The following NREP variants were observed in gnomAD, a reference collection of about 807,000 sequenced individuals.
The protein encoded by NREP is neuronal regeneration related protein.
Under a neutral mutation model 8.6 loss-of-function variants are expected in NREP, and 5 were observed. The ratio of observed to expected loss-of-function variants is 0.58; its 90% CI spans 0.30 to 1.22. NREP has a LOEUF of 1.22. Among genes scored for constraint, NREP ranks in the 50% most tolerant of loss-of-function variants. NREP has a pLI of 0.07. For missense variants in NREP, 86 were observed against 82.5 expected, an observed-to-expected ratio of 1.04 and a Z score of -0.17; for synonymous variants, 27 against 28.0, an observed-to-expected ratio of 0.96 and a Z score of 0.11.
chr5:111,841,236 A>T (rs1374362973), intron 2 of NREP, among the ~76,000 whole-genome samples: 1 of 152,138 alleles, frequency 6.6e-6, no homozygotes, highest in Non-Finnish European at 1.5e-5. Flanking sequence ...GTGCCCCTGA[A>T]AGCTAGAACA....
chr5:111,879,088 T>G (rs1262759955), intron 2 of NREP, among the ~76,000 whole-genome samples: 1 of 152,182 alleles, frequency 6.6e-6, no homozygotes, highest in Admixed American at 6.5e-5. Flanking sequence ...AGTAATGAGT[T>G]CACTTGAAAG....
chr5:111,821,785 T>C (rs1199413919), intron 2 of NREP, among the ~76,000 whole-genome samples: 1 of 152,172 alleles, frequency 6.6e-6, no homozygotes, highest in Non-Finnish European at 1.5e-5. Context: ...TAGCAGCTCC[T>C]TATTTAGCTC....
chr5:111,885,599 G>C (rs1302129659), intron 2 of NREP, among the ~76,000 whole-genome samples: 1 of 151,852 alleles, frequency 6.6e-6, no homozygotes, highest in African/African-American at 2.4e-5. Context: ...AACCAAAACA[G>C]CATGGTACTG....
At chr5:111,886,245 A>G (rs1205638044) in intron 2 of NREP, among the ~76,000 whole-genome samples, 2 of 152,254 alleles carry the variant, frequency 1.3e-5, no homozygotes, top group Non-Finnish European at 2.9e-5. Context: ...TGGCCATCAA[A>G]GAAGTGCAAA....
intron 2 of NREP, among the ~76,000 whole-genome samples, chr5:111,896,186 G>A (rs1041835623): frequency 1.3e-5 from 2 of 152,140 alleles, no homozygotes; most frequent in East Asian, 3.9e-4. Context: ...AAATCTATGT[G>A]CAAAACGTTG....
intron 2 of NREP, among the ~76,000 whole-genome samples, chr5:111,869,187 G>T (rs1378244136): frequency 6.6e-6 from 1 of 152,146 alleles, no homozygotes; most frequent in Non-Finnish European, 1.5e-5. Context: ...AGTAGATATA[G>T]AATCTCCACA....
chr5:111,893,944 G>T (rs542161638), intron 2 of NREP, among the ~76,000 whole-genome samples: 1 of 151,972 alleles, frequency 6.6e-6, no homozygotes, highest in African/African-American at 2.4e-5. Context: ...CAGGCCGGGC[G>T]CAGTGGCTCA....
At chr5:111,754,701 T>C (rs776247127) in intron 2 of NREP, among the ~76,000 whole-genome samples, 8 of 152,220 alleles carry the variant, frequency 5.3e-5, no homozygotes, top group Non-Finnish European at 8.8e-5. Context: ...CATGTGGTGC[T>C]TTGACACCCA....
intron 2 of NREP, among the ~76,000 whole-genome samples, chr5:111,736,334 CAG>C (rs1345366165): frequency 6.6e-6 from 1 of 152,126 alleles, no homozygotes; most frequent in Non-Finnish European, 1.5e-5. Flanking sequence ...AATTTAGAAA[CAG>C]AATCCAACAA....
rs1277931913 is a variant in NREP, at chr5:111,808,082, A to G, written c.136-72575T>C. Among the ~76,000 whole-genome samples the G allele has an allele frequency of 3.3e-5, 5 of 152,318 alleles. No individual in the cohort carries two copies. In the East Asian group the frequency reaches 7.7e-4, roughly 23 times the overall value. ...GTCTTTTGCGTCTGGTCACATACACATAGTTTTCATTCTATCTGGTGCAAT... is the reference window on the plus strand; with the variant it reads ...GTCTTTTGCGTCTGGTCACATACACGTAGTTTTCATTCTATCTGGTGCAAT... On this transcript the variant is annotated intron_variant, in intron 2 of 3. Coordinates refer to the NREP transcript ENST00000395634.
At chr5:111,881,955 CA>C (rs1754087741) in intron 2 of NREP, among the ~76,000 whole-genome samples, 1 of 152,194 alleles carries the variant, frequency 6.6e-6, no homozygotes, top group African/African-American at 2.4e-5. Context: ...AGTTCCTCAC[CA>C]GCAACGGAAC....
In NREP at chr5:111,936,434, T is replaced by C. The variant is rs555993732; in HGVS notation, c.135+38840A>G. On this transcript the variant is annotated intron_variant, in intron 2 of 3. Coordinates refer to the NREP transcript ENST00000395634. ...CAGTTTCCTGAGACCTATCCAGCCATGTGGAATTATGAGTCAATTAAACCT... is the reference window on the plus strand; with the variant it reads ...CAGTTTCCTGAGACCTATCCAGCCACGTGGAATTATGAGTCAATTAAACCT... Among the ~76,000 whole-genome samples, 15 of 152,192 alleles carry C rather than the reference T, an allele frequency of 9.9e-5. No individual in the cohort carries two copies. The East Asian group carries it at 2.7e-3, about 28-fold the overall frequency.
intron 2 of NREP, among the ~76,000 whole-genome samples, chr5:111,865,767 T>C (rs1753650031): frequency 6.6e-6 from 1 of 152,060 alleles, no homozygotes; most frequent in African/African-American, 2.4e-5. Context: ...GAGAGCACTG[T>C]GAGGTAACGT....
rs569652929 is a variant in NREP, at chr5:111,900,923, C to A, written c.135+74351G>T. On this transcript the variant is annotated intron_variant, in intron 2 of 3. Coordinates refer to the NREP transcript ENST00000395634. ...ATTTATTTTATGAGATCAGCATTATCCTGACACCAAAACCAGACTAGGCTA... is the reference window on the plus strand; with the variant it reads ...ATTTATTTTATGAGATCAGCATTATACTGACACCAAAACCAGACTAGGCTA... Among the ~76,000 whole-genome samples, 11 of 152,208 alleles carry A rather than the reference C, an allele frequency of 7.2e-5. No individual in the cohort carries two copies. In the South Asian group the frequency reaches 2.1e-3, roughly 29 times the overall value.
At chr5:111,781,691 A>C (rs1241639751) in intron 2 of NREP, among the ~76,000 whole-genome samples, 3 of 152,156 alleles carry the variant, frequency 2.0e-5, no homozygotes, top group Non-Finnish European at 4.4e-5. Context: ...TTTGTGATGA[A>C]ATTTGGACTA....
intron 3 of NREP, among the ~76,000 whole-genome samples, chr5:111,731,445 AG>A (rs1274901472): frequency 2.0e-5 from 3 of 150,970 alleles, no homozygotes; most frequent in Non-Finnish European, 3.0e-5. Context: ...AAAAAAAAAA[AG>A]AGTCCAGTGG....
rs1426965883 is a variant in NREP, at chr5:111,829,831, T to C, written c.136-94324A>G. ...CCCATTCCTAGCTTTTTAAACTCAA[T>C]GACTTCACCCACATAGCGTGCCATG... On this transcript the variant is annotated intron_variant, in intron 2 of 3. Transcript: ENST00000395634. Among the ~76,000 whole-genome samples the C allele has an allele frequency of 2.0e-5, 3 of 152,126 alleles. No homozygotes were observed. In the East Asian group the frequency reaches 5.8e-4, roughly 29 times the overall value.
chr5:111,789,929 C>A (rs168870), intron 2 of NREP, among the ~76,000 whole-genome samples: 1 of 151,688 alleles, frequency 6.6e-6, no homozygotes, highest in South Asian at 2.1e-4. Context: ...GTAGATTTGA[C>A]ATGAATAAAA....
intron 2 of NREP, among the ~76,000 whole-genome samples, chr5:111,784,204 G>C (rs960663658): frequency 6.2e-4 from 94 of 152,192 alleles, no homozygotes; most frequent in African/African-American, 2.3e-3. Context: ...ACTTACAGGA[G>C]GTATAAAGGA....
Sources: allele counts gnomAD v4.1 joint callset (sites outside exome capture counted in the v4.1 genomes callset), GRCh38; gene constraint gnomAD v4.1.1; transcripts MANE v1.5; gene names NCBI Gene and HGNC (gene_info 2026-07-23, HGNC 2026-07-21).